RBFOX1: variants seen among roughly 807,000 people sequenced by gnomAD.
The protein encoded by RBFOX1 is RNA binding protein fox-1 homolog 1.
RBFOX1 carries 8 observed loss-of-function variants against 57.7 expected under a neutral mutation model. The observed-to-expected ratio is 0.14, with a 90% confidence interval of 0.08 to 0.25. RBFOX1 has a LOEUF of 0.25. Among genes scored for constraint, RBFOX1 ranks in the 10% least tolerant of loss-of-function variants. The pLI is 1.00. For synonymous variants in RBFOX1, 326 were observed against 222.4 expected (o/e 1.47, Z -4.15); for missense variants, 611 against 548.5 (o/e 1.11, Z -1.14).
At chr16:7,050,373 C>A (rs1320794013) in intron 3 of RBFOX1, among the ~76,000 whole-genome samples, 1 of 149,828 alleles carries the variant, frequency 6.7e-6, no homozygotes, top group African/African-American at 2.4e-5. Context: ...TCAAGTGATT[C>A]TCCTGCTTCA....
At chr16:7,573,379 G>A (rs999088978) in intron 5 of RBFOX1, among the ~76,000 whole-genome samples, 1 of 151,992 alleles carries the variant, frequency 6.6e-6, no homozygotes, top group Non-Finnish European at 1.5e-5. Flanking sequence ...CACTGAGAAG[G>A]GGGTGTCCCT....
chr16:7,685,788 G>A (rs148563681), intron 14 of RBFOX1, among the ~76,000 whole-genome samples: 2 of 152,168 alleles, frequency 1.3e-5, no homozygotes, highest in East Asian at 3.9e-4. Flanking sequence ...CCTGTGCCTT[G>A]CTTAGCATCC....
chr16:6,398,135 C>T (rs1479890944), intron 2 of RBFOX1, among the ~76,000 whole-genome samples: 1 of 152,082 alleles, frequency 6.6e-6, no homozygotes, highest in East Asian at 1.9e-4. Flanking sequence ...AGGAGCAAAG[C>T]CCCTTAGAAA....
chr16:5,272,231 C>A (rs1353915802), intron 1 of RBFOX1, among the ~76,000 whole-genome samples: 3 of 152,164 alleles, frequency 2.0e-5, no homozygotes, highest in Non-Finnish European at 2.9e-5. Context: ...ATGTCTCATC[C>A]TAAAAATTTT....
intron 5 of RBFOX1, among the ~76,000 whole-genome samples, chr16:7,568,882 CAAAAA>C (rs34858992): frequency 3.9e-5 from 3 of 77,534 alleles, no homozygotes; most frequent in South Asian, 5.9e-4. Context: ...GACTCTGTCT[CAAAAA>C]AAAAAAAAAA....
chr16:7,345,517 A>G (rs1348982046), intron 4 of RBFOX1, among the ~76,000 whole-genome samples: 1 of 152,198 alleles, frequency 6.6e-6, no homozygotes, highest in Admixed American at 6.5e-5. Context: ...GTGACTTAGC[A>G]GAGGGACTTG....
intron 4 of RBFOX1, among the ~76,000 whole-genome samples, chr16:7,199,927 C>T (rs1424912157): frequency 6.6e-6 from 1 of 151,042 alleles, no homozygotes; most frequent in African/African-American, 2.5e-5. Context: ...ACAACAACAA[C>T]AACAAAGAAA....
chr16:7,063,833 A>G (rs578094174), intron 4 of RBFOX1, among the ~76,000 whole-genome samples: 1 of 152,334 alleles, frequency 6.6e-6, no homozygotes, highest in African/African-American at 2.4e-5. Flanking sequence ...CAAGTAATAT[A>G]GAGATGTTTT....
At chr16:6,840,941 C>T (rs1183321638) in intron 3 of RBFOX1, among the ~76,000 whole-genome samples, 1 of 150,790 alleles carries the variant, frequency 6.6e-6, no homozygotes, top group Non-Finnish European at 1.5e-5. Context: ...CCGCTTTAAT[C>T]ATGTGAAGTT....
At chr16:6,968,582 G>A (rs1483094023) in intron 3 of RBFOX1, among the ~76,000 whole-genome samples, 1 of 152,040 alleles carries the variant, frequency 6.6e-6, no homozygotes, top group East Asian at 1.9e-4. Context: ...ATGATGTGAA[G>A]GTGTAGATGA....
At chr16:6,480,608 A>G (rs1414877105) in intron 2 of RBFOX1, among the ~76,000 whole-genome samples, 1 of 152,250 alleles carries the variant, frequency 6.6e-6, no homozygotes, top group East Asian at 1.9e-4. Flanking sequence ...GTAGTTGGCT[A>G]TCTTCTGTTT....
intron 4 of RBFOX1, among the ~76,000 whole-genome samples, chr16:5,954,384 T>C (rs1336504708): frequency 6.6e-6 from 1 of 151,392 alleles, no homozygotes; most frequent in East Asian, 2.0e-4. Context: ...GTCTCTTCTT[T>C]CGCCACCACC....
At position 6,637,554 on chromosome 16, in the gene RBFOX1, A is replaced by ACATATAATAGTC. The variant is rs2098455374; in HGVS notation, c.-63-17049_-63-17048insCATATAATAGTC. Among the ~76,000 whole-genome samples, 3 of 133,426 alleles carry ACATATAATAGTC rather than the reference A, an allele frequency of 2.2e-5. 1 individual carries two copies. Among genetic ancestry groups the ACATATAATAGTC allele is most frequent in the Non-Finnish European group, 4.6e-5 (3 of 65,112 alleles). The allele number at this position is 133,426 out of a possible 152,430, so 87.5% of individuals were successfully genotyped here. On this transcript the variant is annotated intron_variant, in intron 2 of 15. Coordinates refer to ENST00000550418, the MANE Select transcript of RBFOX1 (RefSeq NM_018723.4). ...GTATAGTATATACAATCTGCATAGT[A>ACATATAATAGTC]TATATAATATTCTATATAGTATATA... is the stretch of plus-strand genomic sequence containing the variant.
chr16:5,544,204 G>A (rs1480059495), intron 2 of RBFOX1, among the ~76,000 whole-genome samples: 2 of 152,164 alleles, frequency 1.3e-5, no homozygotes, highest in African/African-American at 4.8e-5. Context: ...AATAATTTCA[G>A]AAGGATTCAG....
intron 2 of RBFOX1, among the ~76,000 whole-genome samples, chr16:5,594,341 C>G (rs2047110511): frequency 6.6e-6 from 1 of 152,048 alleles, no homozygotes. Flanking sequence ...TCTGTGAGCC[C>G]CGAAAATCTG....
intron 3 of RBFOX1, among the ~76,000 whole-genome samples, chr16:6,753,886 G>A (rs1320918256): frequency 6.6e-6 from 1 of 152,052 alleles, no homozygotes. Flanking sequence ...TCGGTCATTT[G>A]TCATAAAATC....
chr16:6,095,786 C>T (rs1050867901), intron 1 of RBFOX1, among the ~76,000 whole-genome samples: 36 of 151,992 alleles, frequency 2.4e-4, no homozygotes, highest in African/African-American at 8.5e-4. Flanking sequence ...AGGCTAATGA[C>T]CCACCTGAGT....
chr16:5,910,462 G>A (rs977472728), intron 4 of RBFOX1, among the ~76,000 whole-genome samples: 1 of 152,210 alleles, frequency 6.6e-6, no homozygotes, highest in African/African-American at 2.4e-5. Context: ...GATGAAACAT[G>A]GTCAGGAAAG....
chr16:6,178,847 T>G (rs2097037044), intron 1 of RBFOX1, among the ~76,000 whole-genome samples: 1 of 152,186 alleles, frequency 6.6e-6, no homozygotes. Context: ...GAAGGTGAAG[T>G]AAATACAGAT....
Sources: allele counts gnomAD v4.1 joint callset (sites outside exome capture counted in the v4.1 genomes callset), GRCh38; gene constraint gnomAD v4.1.1; transcripts MANE v1.5; gene names NCBI Gene and HGNC (gene_info 2026-07-23, HGNC 2026-07-21).